Variants in MROH2B observed in about 807,000 individuals in gnomAD.
The protein encoded by MROH2B is maestro heat like repeat family member 2B.
A neutral mutation model predicts 208.6 loss-of-function variants in MROH2B; 177 were observed. The observed-to-expected ratio is 0.85, with a 90% CI of 0.75 to 0.96. The LOEUF is 0.96. MROH2B is among the 40% of genes least tolerant of loss of function. The probability of loss-of-function intolerance (pLI) is 0.00; values close to 1 mark genes in which losing one functional copy is unlikely to be tolerated. For missense variants in MROH2B, 2,002 were observed against 1,878.7 expected (o/e 1.07, Z -1.21); for synonymous variants, 728 against 659.0 (o/e 1.10, Z -1.60).
At chr5:41,015,895 T>C (rs563331865) in intron 28 of MROH2B, among the ~76,000 whole-genome samples, 7 of 152,338 alleles carry the variant, frequency 4.6e-5, no homozygotes, top group African/African-American at 1.4e-4. Context: ...AGCTCCCTCA[T>C]TGGGGAAACT....
intron 24 of MROH2B, among the ~76,000 whole-genome samples, chr5:41,027,411 T>C (rs1323072567): frequency 2.0e-5 from 3 of 151,960 alleles, no homozygotes; most frequent in Non-Finnish European, 4.4e-5. Flanking sequence ...AAGAAGACAT[T>C]TATGCAGCCA....
chr5:41,020,973 G>A (rs12055243), intron 24 of MROH2B, among the ~76,000 whole-genome samples: 45,711 of 152,084 alleles, frequency 0.3, 7,565 homozygotes, highest in Admixed American at 0.37. Flanking sequence ...AATTAAAAAG[G>A]TATCTAAATT....
intron 32 of MROH2B, 86 bp from the exon 33 acceptor site, chr5:41,008,879 C>G: frequency 7.5e-7 from 1 of 1,329,918 alleles, no homozygotes; most frequent in African/African-American, 1.5e-5. Flanking sequence ...ACTTTGTTTT[C>G]TCCACCAGTA....
chr5:41,049,368 A>T lies in MROH2B; in HGVS notation c.1413T>A (p.Phe471Leu). 6.2e-7 allele frequency: 1 copy of T among 1,613,722 alleles called. No individual in the cohort carries two copies. Among genetic ancestry groups the T allele is most frequent in the African/African-American group, 1.3e-5 (1 of 75,004 alleles). Residue 471 changes from phenylalanine to leucine, a missense_variant, in exon 14 of 42, where the codon TTT (phenylalanine) becomes TTA (leucine). Transcript: ENST00000399564. ...AEYTEALEPL[F>L]SIIRILIMAE... ...CCATAATCAGAATTCTGATGATACT[A>T]AACAGGGGCTCCAGAGCTTCTGTGT...
At chr5:41,039,411 G>T in intron 20 of MROH2B, 37 bp downstream of exon 20, 1 of 1,266,804 alleles carries the variant, frequency 7.9e-7, no homozygotes, top group African/African-American at 1.5e-5. Flanking sequence ...GTCTGGCCTT[G>T]CAATACTGAG....
intron 28 of MROH2B, among the ~76,000 whole-genome samples, chr5:41,016,571 C>CA (rs1264999279): frequency 8.3e-6 from 1 of 119,816 alleles, no homozygotes; most frequent in Non-Finnish European, 1.6e-5. Context: ...CTCTGCCTTC[C>CA]AGGTTCAAGT....
Position 41,063,420 on chromosome 5 carries a change from T to G in MROH2B, c.460+1052A>C, listed in dbSNP as rs562296554. ...TTTCTAAGTCCAATGTTCTCACTTG[T>G]AAAATGGTGGAAAAAATGTTACCCA... On this transcript the variant is annotated intron_variant, in intron 5 of 41. Coordinates refer to ENST00000399564, the MANE Select transcript of MROH2B (RefSeq NM_173489.5). Among the ~76,000 whole-genome samples, 4 of 152,284 alleles carry G rather than the reference T, an allele frequency of 2.6e-5. No homozygotes were observed. The South Asian group carries it at 8.3e-4, about 32-fold the overall frequency.
At chr5:41,006,226 A>T (rs764852450) in intron 34 of MROH2B, among the ~76,000 whole-genome samples, 1 of 152,148 alleles carries the variant, frequency 6.6e-6, no homozygotes, top group Non-Finnish European at 1.5e-5. Flanking sequence ...CAACAAACAT[A>T]TGGAAAAATG....
chr5:41,004,777 G>A lies in MROH2B; in HGVS notation c.4008C>T (p.His1336=). ...GLGNTASGAP[H]KVKKHKQLML... Reference sequence around the variant, plus strand: ...TTCCCCTTAAAACGCCTTTTACCTTGTGAGGAGCCCCGGATGCTGTGTTGC... The same window carrying A: ...TTCCCCTTAAAACGCCTTTTACCTTATGAGGAGCCCCGGATGCTGTGTTGC... Residue 1336 remains histidine, a synonymous_variant, in exon 36 of 42, where the codon CAC becomes CAT. Coordinates refer to ENST00000399564, the MANE Select transcript of MROH2B (RefSeq NM_173489.5). 6.2e-7 allele frequency: 1 copy of A among 1,612,710 alleles called. No individual in the cohort carries two copies. The highest frequency in any genetic ancestry group is 8.5e-7 in the Non-Finnish European group (1 of 1,179,622).
At chr5:41,033,977 T>G in intron 21 of MROH2B, 113 bp from the exon 22 acceptor site, 1 of 1,258,710 alleles carries the variant, frequency 7.9e-7, no homozygotes. Flanking sequence ...AAGCAGGAGG[T>G]AGAGCCTTGC....
intron 26 of MROH2B, 90 bp from the exon 27 acceptor site, chr5:41,018,520 A>C: frequency 6.7e-7 from 1 of 1,485,558 alleles, no homozygotes; most frequent in Non-Finnish European, 9.2e-7. Flanking sequence ...CCTCTTTTGT[A>C]ACACGGTGCT....
chr5:41,008,691 C>T lies in MROH2B; in HGVS notation c.3523G>A (p.Gly1175Ser). The change falls in exon 33 of 42, where the codon GGC becomes AGC. Residue 1175 changes from glycine to serine, a missense_variant. Transcript: ENST00000399564. ...CAGGGACAAGTGAGCATCTTCTGGC[C>T]CAGTGTGCAGCTAACCAGCTTCAGG... ...LLLKLVSCTL[G>S]QKMLTCPWSH... 1.9e-6 allele frequency: 3 copies of T among 1,613,886 alleles called. No homozygotes were observed. The East Asian group carries it at 6.7e-5, about 36-fold the overall frequency.
chr5:41,018,901 C>T lies in MROH2B; in HGVS notation c.2559G>A (p.Lys853=), dbSNP rs938166082. 1.2e-6 allele frequency: 2 copies of T among 1,613,886 alleles called. No individual in the cohort carries two copies. Among genetic ancestry groups the T allele is most frequent in the Non-Finnish European group, 1.7e-6 (2 of 1,179,864 alleles). The part of the protein sequence containing the change: ...ENLKSEGQTD[K]DKEHIQFLYE... ...TGCATACTTGAATGTGCTCCTTGTCCTTGTCTGTCTGGCCTTCACTTTTCA... is the reference window on the plus strand; with the variant it reads ...TGCATACTTGAATGTGCTCCTTGTCTTTGTCTGTCTGGCCTTCACTTTTCA... The change falls in exon 25 of 42, where the codon AAG becomes AAA. Residue 853 remains lysine, a synonymous_variant. Coordinates refer to ENST00000399564, the MANE Select transcript of MROH2B (RefSeq NM_173489.5).
In MROH2B at chr5:41,004,395, C is replaced by T. The variant is rs773203751; in HGVS notation, c.4145G>A (p.Ser1382Asn). The change falls in exon 37 of 42, where the codon AGC becomes AAC. Residue 1382 changes from serine to asparagine, a missense_variant. Ser to Asn is a conservative substitution (Grantham distance 46, BLOSUM62 1). Transcript: ENST00000399564. ...ILELLTDRDV[S>N]FYFKEIVLQT... ...CAGCACTATTTCCTTGAAGTAGAAG[C>T]TCACGTCTCGGTCTGTCAGCAGCTC... 1.2e-6 allele frequency: 2 copies of T among 1,613,956 alleles called. No homozygotes were observed. The highest frequency in any genetic ancestry group is 2.2e-5 in the South Asian group (2 of 91,076).
At position 41,040,827 on chromosome 5, in the gene MROH2B, G is replaced by A. The variant is rs537392780; in HGVS notation, c.1953+1265C>T. 3.9e-5 allele frequency among the ~76,000 whole-genome samples: 6 copies of A among 152,056 alleles called. No homozygotes were observed. In the East Asian group the frequency reaches 5.8e-4, roughly 15 times the overall value. ...ATTACAGGTGTACATCACCACACCC[G>A]ACTAATTTTTTGTATTTTCAGTAGA... On this transcript the variant is annotated intron_variant, in intron 19 of 41. Transcript: ENST00000399564.
chr5:41,040,102 G>A (rs1293472255), intron 19 of MROH2B, among the ~76,000 whole-genome samples: 5 of 152,178 alleles, frequency 3.3e-5, no homozygotes, highest in South Asian at 4.1e-4. Context: ...CTTTTAGGCC[G>A]TCCCCAAGAT....
At position 41,033,040 on chromosome 5, in the gene MROH2B, C is replaced by G. The variant is rs1258737382; in HGVS notation, c.2361+1G>C. ...TTCTTATTCCCTCTCTGCACACTCA[C>G]CAGCATGTAACCAATCAGCATCTCC... is the stretch of plus-strand genomic sequence containing the variant. On this transcript the variant is annotated splice_donor_variant, in intron 23 of 41. Coordinates refer to ENST00000399564, the MANE Select transcript of MROH2B (RefSeq NM_173489.5). LOFTEE classifies it high-confidence loss of function. 1 of 1,612,892 alleles carries G rather than the reference C, an allele frequency of 6.2e-7. No homozygotes were observed. The highest frequency in any genetic ancestry group is 1.3e-5 in the African/African-American group (1 of 74,990).
chr5:41,049,135 AG>A lies in MROH2B; in HGVS notation c.1507del (p.Leu503PhefsTer13). 9 of 1,601,120 alleles carry A rather than the reference AG, an allele frequency of 5.6e-6. No individual in the cohort carries two copies. Among genetic ancestry groups the A allele is most frequent in the Non-Finnish European group, 6.8e-6 (8 of 1,173,050 alleles). ...GGCCAGTAGCTGCTGTGGTGAAGGA[AG>A]TTTCACTAGAAAGAGAAAGCAATTT... ...ALVVSTGAVKLPSPQQLLARL... is the reference protein window; with the variant it reads ...ALVVSTGAVKXPSPQQLLARL... On this transcript the variant is annotated frameshift_variant, in exon 15 of 42. Coordinates refer to ENST00000399564, the MANE Select transcript of MROH2B (RefSeq NM_173489.5). LOFTEE classifies it high-confidence loss of function.
Position 41,018,331 on chromosome 5 carries a change from G to A in MROH2B, c.2763+10C>T. On this transcript the variant is annotated intron_variant, in intron 27 of 41. Coordinates refer to ENST00000399564, the MANE Select transcript of MROH2B (RefSeq NM_173489.5). ...GCAATAAAGTCTATTCATTCTAGGG[G>A]ATTACTTACCTCAATATCATTTGTC... The A allele has an allele frequency of 6.2e-7, 1 of 1,608,686 alleles. No individual in the cohort carries two copies. Among genetic ancestry groups the A allele is most frequent in the Admixed American group, 1.7e-5 (1 of 59,432 alleles).
Sources: gnomAD v4.1 joint callset for allele counts (sites outside exome capture counted in the v4.1 genomes callset) on GRCh38, gnomAD v4.1.1 for gene constraint, MANE v1.5 for transcripts, NCBI Gene and HGNC (gene_info 2026-07-23, HGNC 2026-07-21) for gene names.